The following ATRNL1 variants were observed in gnomAD, a reference collection of about 807,000 sequenced individuals.
ATRNL1 encodes attractin like 1.
Under a neutral mutation model 182.7 loss-of-function variants are expected in ATRNL1, and 95 were observed. That is an observed-to-expected ratio of 0.52 (90% CI 0.44 to 0.62). The LOEUF (loss-of-function observed/expected upper bound fraction) is 0.62, where lower values mean the gene tolerates loss of function less well. Among genes scored for constraint, ATRNL1 ranks in the 20% least tolerant of loss-of-function variants. The pLI, the probability that ATRNL1 is intolerant of heterozygous loss-of-function variation, is 0.00. For missense variants in ATRNL1, 1,471 were observed against 1,679.5 expected (o/e 0.88, Z 2.17); for synonymous variants, 576 against 568.3 (o/e 1.01, Z -0.19).
At chr10:115,445,588 A>G (rs944178949) in intron 21 of ATRNL1, among the ~76,000 whole-genome samples, 31 of 120,674 alleles carry the variant, frequency 2.6e-4, no homozygotes, top group African/African-American at 9.5e-4. Flanking sequence ...GATGTCTGTA[A>G]TTTTTTTTAA....
Position 115,302,124 on chromosome 10 carries a change from T to C in ATRNL1, c.2818+81T>C. ...TGTGATGTAAAGAAGAATTAAATAT[T>C]TGAAGAAGTTTCAAAAAATGAGAAA... is the stretch of plus-strand genomic sequence containing the variant. On this transcript the variant is annotated intron_variant, in intron 17 of 28. Transcript: ENST00000355044. 3.1e-6 allele frequency: 4 copies of C among 1,290,946 alleles called. No individual in the cohort carries two copies. In the South Asian group the frequency reaches 6.6e-5, roughly 21 times the overall value. 80.0% of individuals were successfully genotyped at this position (1,290,946 alleles called of 1,614,324 possible).
At chr10:115,564,675 T>C (rs750701576) in intron 26 of ATRNL1, among the ~76,000 whole-genome samples, 14 of 151,988 alleles carry the variant, frequency 9.2e-5, no homozygotes, top group Non-Finnish European at 1.9e-4. Context: ...GAGTTCAACA[T>C]TGCCACCAGC....
chr10:115,341,599 A>C (rs2134095811), intron 19 of ATRNL1, among the ~76,000 whole-genome samples: 1 of 152,264 alleles, frequency 6.6e-6, no homozygotes, highest in Non-Finnish European at 1.5e-5. Flanking sequence ...CATAGCTGAA[A>C]GTGCAGTGTT....
Position 115,265,286 on chromosome 10 carries a change from A to G in ATRNL1, c.1772+9A>G. 6.4e-7 allele frequency: 1 copy of G among 1,567,252 alleles called. No individual in the cohort carries two copies. Among genetic ancestry groups the G allele is most frequent in the African/African-American group, 1.4e-5 (1 of 73,612 alleles). On this transcript the variant is annotated intron_variant, in intron 11 of 28. Coordinates refer to ENST00000355044, the MANE Select transcript of ATRNL1 (RefSeq NM_207303.4). Reference sequence around the variant, plus strand: ...GCAGTAGTCATTAACGGGTAAAAGAAGCACATTTCCAATTTTTAGAGGGTC... The same window carrying G: ...GCAGTAGTCATTAACGGGTAAAAGAGGCACATTTCCAATTTTTAGAGGGTC...
intron 25 of ATRNL1, among the ~76,000 whole-genome samples, chr10:115,530,005 G>A (rs1851472338): frequency 6.6e-6 from 1 of 152,040 alleles, no homozygotes; most frequent in South Asian, 2.1e-4. Context: ...TTTGTGACTG[G>A]TTCCTTTCAT....
chr10:115,683,576 A>G (rs560960811), intron 26 of ATRNL1, among the ~76,000 whole-genome samples: 1 of 120,824 alleles, frequency 8.3e-6, no homozygotes, highest in African/African-American at 2.8e-5. Flanking sequence ...CATGCCTAAT[A>G]TATTTAACAC....
At chr10:115,880,362 G>A (rs562255903) in intron 28 of ATRNL1, among the ~76,000 whole-genome samples, 19 of 152,304 alleles carry the variant, frequency 1.2e-4, no homozygotes, top group Admixed American at 1.0e-3. Context: ...GGTGGCTCAC[G>A]CCTGTAATCC....
intron 28 of ATRNL1, among the ~76,000 whole-genome samples, chr10:115,864,638 C>A (rs1951393060): frequency 6.6e-6 from 1 of 152,122 alleles, no homozygotes; most frequent in African/African-American, 2.4e-5. Flanking sequence ...TGGAGAAGAG[C>A]AAAATATCAC....
chr10:115,722,271 T>C (rs1947452940), intron 26 of ATRNL1, among the ~76,000 whole-genome samples: 1 of 150,000 alleles, frequency 6.7e-6, no homozygotes, highest in South Asian at 2.1e-4. Flanking sequence ...GAAAAAAAAA[T>C]AACAACTGTA....
chr10:115,520,782 C>T (rs546834589), intron 25 of ATRNL1, among the ~76,000 whole-genome samples: 24 of 152,236 alleles, frequency 1.6e-4, no homozygotes, highest in East Asian at 3.9e-4. Context: ...GTATTTTCTA[C>T]GGTTTACACA....
chr10:115,410,697 T>C (rs1273432338), intron 20 of ATRNL1, among the ~76,000 whole-genome samples: 2 of 152,112 alleles, frequency 1.3e-5, no homozygotes, highest in Admixed American at 1.3e-4. Context: ...AAAATAAGTG[T>C]GTTTTACCTT....
chr10:115,758,899 T>G (rs1555072784), intron 27 of ATRNL1, among the ~76,000 whole-genome samples: 1 of 152,258 alleles, frequency 6.6e-6, no homozygotes, highest in Non-Finnish European at 1.5e-5. Context: ...TAAAATACAT[T>G]AGCTTATTTT....
rs560289831 is a variant in ATRNL1 at position 115,638,909 on chromosome 10, T to C, written c.3796-88339T>C. ...GAACATAGCATCAGTTCTTACATGATAGGAACTAAAGAGCCAACATTAATA... is the reference window on the plus strand; with the variant it reads ...GAACATAGCATCAGTTCTTACATGACAGGAACTAAAGAGCCAACATTAATA... On this transcript the variant is annotated intron_variant, in intron 26 of 28. Coordinates refer to ENST00000355044, the MANE Select transcript of ATRNL1 (RefSeq NM_207303.4). Among the ~76,000 whole-genome samples, 7 of 152,248 alleles carry C rather than the reference T, an allele frequency of 4.6e-5. No homozygotes were observed. In the East Asian group the frequency reaches 1.4e-3, roughly 29 times the overall value.
chr10:115,462,124 A>T (rs1291686269), intron 22 of ATRNL1, 89 bp downstream of exon 22: 1 of 874,168 alleles, frequency 1.1e-6, no homozygotes, highest in Non-Finnish European at 1.7e-6. Context: ...TCTCAGAATT[A>T]TCACATTGTA....
intron 19 of ATRNL1, among the ~76,000 whole-genome samples, chr10:115,338,144 A>G (rs1465797539): frequency 1.3e-5 from 2 of 152,298 alleles, no homozygotes; most frequent in Middle Eastern, 6.8e-3. Flanking sequence ...CCCCTGTGTA[A>G]TGGACACTTA....
intron 25 of ATRNL1, among the ~76,000 whole-genome samples, chr10:115,531,545 T>C (rs1851582722): frequency 6.6e-6 from 1 of 150,826 alleles, no homozygotes; most frequent in African/African-American, 2.4e-5. Context: ...GTCAGATGAG[T>C]AGGTTGTGAA....
At chr10:115,422,666 G>T (rs1000971010) in intron 20 of ATRNL1, among the ~76,000 whole-genome samples, 4 of 152,290 alleles carry the variant, frequency 2.6e-5, no homozygotes, top group African/African-American at 9.6e-5. Context: ...ATTTGACCCA[G>T]CAATGGAACA....
intron 26 of ATRNL1, among the ~76,000 whole-genome samples, chr10:115,704,292 GCATT>G (rs1410265589): frequency 6.6e-6 from 1 of 151,670 alleles, no homozygotes; most frequent in Non-Finnish European, 1.5e-5. Context: ...TCTTCATATG[GCATT>G]CTCCCTATGT....
At chr10:115,335,631 C>T (rs1376251254) in intron 19 of ATRNL1, among the ~76,000 whole-genome samples, 1 of 152,128 alleles carries the variant, frequency 6.6e-6, no homozygotes, top group Non-Finnish European at 1.5e-5. Flanking sequence ...ATTCCAAGAC[C>T]TTTCCTGTGT....
Sources: gnomAD v4.1 joint callset for allele counts (sites outside exome capture counted in the v4.1 genomes callset) on GRCh38, gnomAD v4.1.1 for gene constraint, MANE v1.5 for transcripts, NCBI Gene and HGNC (gene_info 2026-07-23, HGNC 2026-07-21) for gene names.